Variants in ADGRL3 observed in about 807,000 individuals in gnomAD.
The protein encoded by ADGRL3 is adhesion G protein-coupled receptor L3, also known as calcium-independent alpha-latrotoxin receptor 3.
Under a neutral mutation model 153.5 loss-of-function variants are expected in ADGRL3, and 62 were observed. The ratio of observed to expected loss-of-function variants is 0.40; its 90% CI spans 0.33 to 0.50. ADGRL3 has a LOEUF of 0.50. Ranked by LOEUF, ADGRL3 falls within the 20% of genes least tolerant of loss-of-function variation. The pLI is 0.47. For synonymous variants in ADGRL3, 710 were observed against 672.5 expected (o/e 1.06, Z -0.86); for missense variants, 1,641 against 1,859.4 (o/e 0.88, Z 2.16).
At chr4:61,799,037 A>ATATATATATG (rs1303486164) in intron 8 of ADGRL3, among the ~76,000 whole-genome samples, 1 of 121,752 alleles carries the variant, frequency 8.2e-6, no homozygotes, top group Non-Finnish European at 1.7e-5. Flanking sequence ...ATATATATAT[A>ATATATATATG]TACCATATAT....
chr4:61,998,894 A>T (rs1407235410), intron 21 of ADGRL3, among the ~76,000 whole-genome samples: 1 of 151,984 alleles, frequency 6.6e-6, no homozygotes, highest in African/African-American at 2.4e-5. Flanking sequence ...TGTTTCTTAG[A>T]GCAATTACCG....
intron 9 of ADGRL3, among the ~76,000 whole-genome samples, chr4:61,861,803 G>T (rs2098342732): frequency 1.3e-5 from 2 of 151,986 alleles, no homozygotes; most frequent in South Asian, 4.2e-4. Flanking sequence ...AGTCATCCAG[G>T]AGGTCCTACA....
intron 5 of ADGRL3, among the ~76,000 whole-genome samples, chr4:61,615,941 A>G (rs568097247): frequency 2.6e-5 from 4 of 152,174 alleles, no homozygotes; most frequent in South Asian, 2.1e-4. Context: ...AACTTGCTCT[A>G]TAATGAGTAG....
chr4:61,652,711 C>G (rs978455018), intron 5 of ADGRL3, among the ~76,000 whole-genome samples: 22 of 152,144 alleles, frequency 1.4e-4, no homozygotes, highest in Non-Finnish European at 5.9e-5. Flanking sequence ...ATATATGCTT[C>G]CCTGAACTAC....
chr4:61,341,281 C>A (rs1449468108), intron 1 of ADGRL3, among the ~76,000 whole-genome samples: 2 of 151,532 alleles, frequency 1.3e-5, no homozygotes, highest in African/African-American at 4.8e-5. Context: ...GGGAGATTTG[C>A]CAGTATGAGG....
At chr4:61,373,157 C>T (rs192588603) in intron 1 of ADGRL3, among the ~76,000 whole-genome samples, 222 of 152,260 alleles carry the variant, frequency 1.5e-3, no homozygotes, top group Non-Finnish European at 2.8e-3. Context: ...GAACCCGGTA[C>T]CTCAGATGGA....
intron 1 of ADGRL3, among the ~76,000 whole-genome samples, chr4:61,243,836 ATAAGT>A (rs540326951): frequency 3.9e-4 from 59 of 152,212 alleles, no homozygotes; most frequent in African/African-American, 1.4e-3. Flanking sequence ...TCATCATAAA[ATAAGT>A]TAAAGGACAT....
intron 18 of ADGRL3, among the ~76,000 whole-genome samples, chr4:61,981,691 A>G (rs953417651): frequency 1.1e-4 from 16 of 152,200 alleles, no homozygotes; most frequent in African/African-American, 3.6e-4. Flanking sequence ...TGCACATGTT[A>G]CAAGTTTGTT....
intron 5 of ADGRL3, among the ~76,000 whole-genome samples, chr4:61,648,772 A>G (rs1240859241): frequency 1.3e-5 from 2 of 152,066 alleles, no homozygotes; most frequent in Admixed American, 1.3e-4. Context: ...AGCACCTTAC[A>G]TATATCATTT....
chr4:61,803,548 C>A (rs908266914), intron 8 of ADGRL3, among the ~76,000 whole-genome samples: 2 of 152,114 alleles, frequency 1.3e-5, no homozygotes, highest in Middle Eastern at 3.4e-3. Flanking sequence ...TTAGTAAGAG[C>A]TACCTTGAAA....
intron 9 of ADGRL3, among the ~76,000 whole-genome samples, chr4:61,832,131 G>A (rs1005460171): frequency 6.6e-6 from 1 of 152,100 alleles, no homozygotes; most frequent in Non-Finnish European, 1.5e-5. Context: ...TTTATTTAAT[G>A]CACATATGGA....
chr4:61,292,277 C>G (rs896546267), intron 1 of ADGRL3, among the ~76,000 whole-genome samples: 2 of 152,004 alleles, frequency 1.3e-5, no homozygotes, highest in African/African-American at 2.4e-5. Flanking sequence ...CTTGGAAAGA[C>G]AGTAAATTTA....
chr4:62,019,899 C>A (rs1479305490), intron 21 of ADGRL3, among the ~76,000 whole-genome samples: 1 of 152,036 alleles, frequency 6.6e-6, no homozygotes, highest in African/African-American at 2.4e-5. Flanking sequence ...CTAAAAAGAT[C>A]CCAGTGAGAT....
At chr4:61,514,995 G>T (rs1476350128) in intron 3 of ADGRL3, among the ~76,000 whole-genome samples, 1 of 151,734 alleles carries the variant, frequency 6.6e-6, no homozygotes, top group East Asian at 1.9e-4. Context: ...AGAAATATTT[G>T]ATCTCTAGTT....
At chr4:61,938,878 A>G (rs1338012850) in intron 15 of ADGRL3, among the ~76,000 whole-genome samples, 1 of 151,222 alleles carries the variant, frequency 6.6e-6, no homozygotes, top group East Asian at 2.0e-4. Flanking sequence ...AAAAAAAAAA[A>G]AAAAAAAAAT....
At chr4:61,949,445 C>A (rs1336106716) in intron 17 of ADGRL3, among the ~76,000 whole-genome samples, 3 of 152,076 alleles carry the variant, frequency 2.0e-5, no homozygotes, top group Admixed American at 2.0e-4. Context: ...TGCCTGTAAT[C>A]CCAGCACTTT....
chr4:61,607,455 C>T (rs2099036832), intron 5 of ADGRL3, among the ~76,000 whole-genome samples: 2 of 152,008 alleles, frequency 1.3e-5, no homozygotes, highest in South Asian at 2.1e-4. Context: ...AAAAAATTAG[C>T]CGGGTGTGGT....
At chr4:61,290,135 T>G (rs190926350) in intron 1 of ADGRL3, among the ~76,000 whole-genome samples, 100 of 152,184 alleles carry the variant, frequency 6.6e-4, no homozygotes, top group African/African-American at 2.4e-3. Flanking sequence ...ACAGAAAGCT[T>G]TGAACATATA....
intron 9 of ADGRL3, among the ~76,000 whole-genome samples, chr4:61,826,604 G>A (rs865839590): frequency 6.2e-4 from 95 of 152,170 alleles, no homozygotes; most frequent in African/African-American, 2.2e-3. Flanking sequence ...AGGAAGTTAT[G>A]GTCTTATTTT....
Sources: gnomAD v4.1 joint callset for allele counts (sites outside exome capture counted in the v4.1 genomes callset) on GRCh38, gnomAD v4.1.1 for gene constraint, MANE v1.5 for transcripts, NCBI Gene and HGNC (gene_info 2026-07-23, HGNC 2026-07-21) for gene names.